Variants in TNPO3 observed in about 807,000 individuals in gnomAD.
The protein encoded by TNPO3 is transportin 3, also known as transportin-3.
TNPO3 carries 65 observed loss-of-function variants against 122.8 expected under a neutral mutation model. That is an observed-to-expected ratio of 0.53 (90% CI 0.43 to 0.65). The LOEUF (loss-of-function observed/expected upper bound fraction) is 0.65, where lower values mean the gene tolerates loss of function less well. TNPO3 is among the 30% of genes least tolerant of loss of function. TNPO3 has a pLI of 0.00. For synonymous variants in TNPO3, 372 were observed against 411.2 expected, an observed-to-expected ratio of 0.90 and a Z score of 1.15; for missense variants, 850 against 1,136.7, an observed-to-expected ratio of 0.75 and a Z score of 3.63.
chr7:128,980,075 T>C (rs750098007), intron 14 of TNPO3, 44 bp from the exon 15 acceptor site: 8 of 1,558,798 alleles, frequency 5.1e-6, no homozygotes. Flanking sequence ...AAGACCAATT[T>C]CACTGAGGAC....
intron 5 of TNPO3, among the ~76,000 whole-genome samples, chr7:129,004,238 G>GC (rs2150390262): frequency 6.6e-6 from 1 of 152,146 alleles, no homozygotes; most frequent in Admixed American, 6.5e-5. Flanking sequence ...GAGTAATAGC[G>GC]CATCGGCATA....
intron 5 of TNPO3, among the ~76,000 whole-genome samples, chr7:129,003,923 T>C (rs1802286521): frequency 6.6e-6 from 1 of 152,220 alleles, no homozygotes; most frequent in South Asian, 2.1e-4. Context: ...TCCATTTATA[T>C]GTAATCACAT....
At chr7:128,987,519 C>A (rs1270298591) in intron 11 of TNPO3, among the ~76,000 whole-genome samples, 1 of 152,170 alleles carries the variant, frequency 6.6e-6, no homozygotes. Context: ...TAATTCTACT[C>A]ATCTTTTTAT....
At chr7:129,025,542 C>T (rs1253672749) in intron 1 of TNPO3, among the ~76,000 whole-genome samples, 1 of 151,988 alleles carries the variant, frequency 6.6e-6, no homozygotes, top group African/African-American at 2.4e-5. Flanking sequence ...ACAAGAAAAG[C>T]TTCTGGAGCG....
intron 13 of TNPO3, among the ~76,000 whole-genome samples, chr7:128,983,489 C>T (rs1294535004): frequency 6.6e-6 from 1 of 152,096 alleles, no homozygotes; most frequent in African/African-American, 2.4e-5. Flanking sequence ...TGGCATGAGC[C>T]ACGACACCCG....
chr7:128,989,032 A>T (rs891786845), intron 11 of TNPO3, among the ~76,000 whole-genome samples: 1 of 152,132 alleles, frequency 6.6e-6, no homozygotes, highest in African/African-American at 2.4e-5. Context: ...AGCTGAGATC[A>T]GGCCACTGCA....
chr7:128,980,914 A>G (rs1799564242), intron 14 of TNPO3, among the ~76,000 whole-genome samples: 1 of 152,204 alleles, frequency 6.6e-6, no homozygotes, highest in Non-Finnish European at 1.5e-5. Context: ...ACTTTCCACA[A>G]TCAGTCAAAT....
chr7:128,959,980 C>G (rs1460370036), intron 21 of TNPO3, among the ~76,000 whole-genome samples: 3 of 152,130 alleles, frequency 2.0e-5, no homozygotes, highest in Non-Finnish European at 4.4e-5. Flanking sequence ...GAGATCACAC[C>G]ACCGCACTTC....
At chr7:128,976,357 G>A (rs1799057932) in intron 16 of TNPO3, among the ~76,000 whole-genome samples, 1 of 152,198 alleles carries the variant, frequency 6.6e-6, no homozygotes, top group Non-Finnish European at 1.5e-5. Context: ...GACAGTGAAA[G>A]CATTGTTTAA....
At chr7:129,003,095 CACCTGT>C (rs1289871825) in intron 5 of TNPO3, among the ~76,000 whole-genome samples, 11 of 138,352 alleles carry the variant, frequency 8.0e-5, no homozygotes, top group Non-Finnish European at 1.5e-5. Context: ...TGGTGGCACA[CACCTGT>C]AGTCCCAGCT....
At chr7:128,974,679 T>C (rs1798876709) in intron 18 of TNPO3, among the ~76,000 whole-genome samples, 189 bp downstream of exon 18, 1 of 152,198 alleles carries the variant, frequency 6.6e-6, no homozygotes, top group African/African-American at 2.4e-5. Context: ...CTTTATCCCT[T>C]GCTTCCCGCA....
intron 15 of TNPO3, 91 bp downstream of exon 15, chr7:128,979,880 G>A: frequency 8.7e-7 from 1 of 1,146,084 alleles, no homozygotes; most frequent in Non-Finnish European, 1.3e-6. Context: ...CTATGAACTT[G>A]GAAGACAGTA....
At chr7:128,970,425 T>C (rs1798345339) in intron 19 of TNPO3, 110 bp from the exon 20 acceptor site, 2 of 1,029,008 alleles carry the variant, frequency 1.9e-6, no homozygotes, top group Non-Finnish European at 2.8e-6. Flanking sequence ...TGTGTGTGTG[T>C]GTGCACGCGT....
intron 10 of TNPO3, among the ~76,000 whole-genome samples, chr7:128,990,664 A>G (rs1244344986): frequency 2.0e-5 from 3 of 152,234 alleles, no homozygotes; most frequent in Admixed American, 1.3e-4. Context: ...AGCTGCAGGA[A>G]TAGATTAAGT....
intron 1 of TNPO3, among the ~76,000 whole-genome samples, chr7:129,049,919 C>T (rs1329938819): frequency 3.3e-5 from 5 of 151,840 alleles, no homozygotes; most frequent in African/African-American, 4.8e-5. Context: ...GATGCACAGG[C>T]GGAACAAAAA....
intron 22 of TNPO3, among the ~76,000 whole-genome samples, chr7:128,956,606 T>C (rs1397312023): frequency 6.6e-6 from 1 of 152,206 alleles, no homozygotes; most frequent in African/African-American, 2.4e-5. Context: ...GGATTAGGAA[T>C]GCTCAACTGG....
At chr7:129,041,828 C>T (rs975890932) in intron 1 of TNPO3, 2 of 779,094 alleles carry the variant, frequency 2.6e-6, no homozygotes, top group African/African-American at 3.8e-5. Flanking sequence ...ATTTCCATGA[C>T]TATGTGATGA....
At chr7:129,045,220 T>C (rs1807880201) in intron 1 of TNPO3, among the ~76,000 whole-genome samples, 1 of 152,198 alleles carries the variant, frequency 6.6e-6, no homozygotes, top group African/African-American at 2.4e-5. Flanking sequence ...TGGGCACCTA[T>C]TTTGTTTAGT....
Position 129,004,454 on chromosome 7 carries a change from C to A in TNPO3, c.696+562G>T, listed in dbSNP as rs763773051. ...ACCAAGACTATATTACTAGGCACTG[C>A]TACTTTCAAAGCTTAAAGAAGAAAC... is the stretch of plus-strand genomic sequence containing the variant. On this transcript the variant is annotated intron_variant, in intron 5 of 22. Coordinates refer to ENST00000265388, the MANE Select transcript of TNPO3 (RefSeq NM_012470.4). Among the ~76,000 whole-genome samples, 34 of 152,156 alleles carry A rather than the reference C, an allele frequency of 2.2e-4. 1 individual carries two copies. The highest frequency in any genetic ancestry group is 4.0e-4 in the Non-Finnish European group (27 of 68,030).
Sources: gnomAD v4.1 joint callset for allele counts (sites outside exome capture counted in the v4.1 genomes callset) on GRCh38, gnomAD v4.1.1 for gene constraint, MANE v1.5 for transcripts, NCBI Gene and HGNC (gene_info 2026-07-23, HGNC 2026-07-21) for gene names.